GNAL: variants seen among roughly 807,000 people sequenced by gnomAD.
GNAL encodes G protein subunit alpha L, also known as guanine nucleotide-binding protein G(olf) subunit alpha.
In GNAL, 18 loss-of-function variants were observed where a neutral mutation model predicts 55.1. That is an observed-to-expected ratio of 0.33 (90% CI 0.23 to 0.48). GNAL has a LOEUF of 0.48. GNAL is among the 20% of genes least tolerant of loss of function. The probability of loss-of-function intolerance (pLI) is 0.99; values close to 1 mark genes in which losing one functional copy is unlikely to be tolerated. For synonymous variants in GNAL, 253 were observed against 237.0 expected, an observed-to-expected ratio of 1.07 and a Z score of -0.62; for missense variants, 412 against 614.1, an observed-to-expected ratio of 0.67 and a Z score of 3.48.
intron 4 of GNAL, among the ~76,000 whole-genome samples, chr18:11,801,891 A>G (rs959198116): frequency 6.6e-6 from 1 of 152,158 alleles, no homozygotes; most frequent in Non-Finnish European, 1.5e-5. Context: ...GCTGAGTTTA[A>G]GATGTGCATT....
chr18:11,866,300 A>C (rs2036261545), intron 7 of GNAL, among the ~76,000 whole-genome samples: 1 of 150,354 alleles, frequency 6.7e-6, no homozygotes, highest in African/African-American at 2.5e-5. Context: ...GTACGGATTA[A>C]ATTCTAATAG....
At chr18:11,767,352 C>G (rs2033441340) in intron 4 of GNAL, among the ~76,000 whole-genome samples, 1 of 151,936 alleles carries the variant, frequency 6.6e-6, no homozygotes, top group African/African-American at 2.4e-5. Flanking sequence ...CTTATGCTTA[C>G]AAACCTGCTC....
chr18:11,884,491 G>C lies in GNAL; in HGVS notation c.*3356G>C. On this transcript the variant is annotated 3_prime_UTR_variant, in exon 12 of 12. Transcript: ENST00000334049. ...GAGCAAGTTCAAACCAGAAAGAAAAGGTGAGGCTAGAAGCCCAAAGTGAGT... is the reference window on the plus strand; with the variant it reads ...GAGCAAGTTCAAACCAGAAAGAAAACGTGAGGCTAGAAGCCCAAAGTGAGT... The C allele has an allele frequency of 6.2e-7, 1 of 1,614,124 alleles. No homozygotes were observed. The highest frequency in any genetic ancestry group is 8.5e-7 in the Non-Finnish European group (1 of 1,180,020).
chr18:11,840,221 G>T (rs568212038), intron 5 of GNAL, among the ~76,000 whole-genome samples: 6 of 152,082 alleles, frequency 3.9e-5, no homozygotes, highest in Admixed American at 3.9e-4. Context: ...CATTCTATTC[G>T]ATATTTGTGA....
intron 4 of GNAL, among the ~76,000 whole-genome samples, chr18:11,788,670 G>A (rs781468780): frequency 6.6e-6 from 1 of 151,526 alleles, no homozygotes; most frequent in Non-Finnish European, 1.5e-5. Context: ...TCAGGAGTTC[G>A]AGACCAGCCT....
intron 8 of GNAL, among the ~76,000 whole-genome samples, chr18:11,867,636 A>G (rs1341107138): frequency 6.6e-6 from 1 of 151,440 alleles, no homozygotes; most frequent in Non-Finnish European, 1.5e-5. Context: ...AACGAGGTGA[A>G]ACCCCGTCTG....
chr18:11,833,778 T>C lies in GNAL; in HGVS notation c.722+8763T>C, dbSNP rs534294018. ...GGCGTGAAAATCAGGACCTTCAAAC[T>C]ATAAAACAAAAATCACATTTTTGAT... On this transcript the variant is annotated intron_variant, in intron 5 of 11. Coordinates refer to ENST00000334049, the MANE Select transcript of GNAL (RefSeq NM_182978.4). The C allele has an allele frequency of 2.4e-4, 37 of 152,284 alleles. 1 individual carries two copies. Among genetic ancestry groups the C allele is most frequent in the African/African-American group, 8.7e-4 (36 of 41,554 alleles). 9.4% of individuals were successfully genotyped at this position (152,284 alleles called of 1,614,324 possible). A position where few individuals can be genotyped will look rare whatever the true frequency, so the allele number is the denominator to read the frequency against.
intron 1 of GNAL, among the ~76,000 whole-genome samples, chr18:11,739,225 C>T (rs1433739121): frequency 1.3e-5 from 2 of 152,186 alleles, no homozygotes; most frequent in Non-Finnish European, 2.9e-5. Flanking sequence ...AAGAATAAGA[C>T]TTCAAAGGTT....
chr18:11,864,994 TTTC>T (rs887042224), intron 7 of GNAL, among the ~76,000 whole-genome samples: 2 of 152,102 alleles, frequency 1.3e-5, no homozygotes, highest in African/African-American at 2.4e-5. Context: ...ATGAGCTTAC[TTTC>T]TTCATTTTGC....
intron 1 of GNAL, among the ~76,000 whole-genome samples, chr18:11,750,451 C>T (rs2032790592): frequency 6.6e-6 from 1 of 151,900 alleles, no homozygotes; most frequent in African/African-American, 2.4e-5. Context: ...CCGTCAGGAA[C>T]GTGTGTGGGT....
At chr18:11,863,611 A>G (rs1180853938) in intron 6 of GNAL, among the ~76,000 whole-genome samples, 1 of 152,188 alleles carries the variant, frequency 6.6e-6, no homozygotes, top group Non-Finnish European at 1.5e-5. Context: ...TTATTACAGA[A>G]TGGCTGCTTC....
At chr18:11,702,273 C>T (rs1004352713) in intron 1 of GNAL, 3 of 152,288 alleles carry the variant, frequency 2.0e-5, no homozygotes, top group African/African-American at 7.2e-5. Flanking sequence ...GAGCAAGACT[C>T]AGAACGCAAG....
intron 7 of GNAL, among the ~76,000 whole-genome samples, chr18:11,865,587 C>CA (rs61456751): frequency 0.018 from 2,247 of 123,080 alleles, 44 homozygotes; most frequent in Middle Eastern, 0.042. Context: ...CTGTCTCTAC[C>CA]AAAAAAAAAA....
At chr18:11,798,028 C>T (rs1375906247) in intron 4 of GNAL, among the ~76,000 whole-genome samples, 3 of 152,126 alleles carry the variant, frequency 2.0e-5, no homozygotes, top group Non-Finnish European at 4.4e-5. Flanking sequence ...TTCCAGCAGA[C>T]ACTTTCTGAT....
At chr18:11,713,716 A>C (rs1263291220) in intron 1 of GNAL, among the ~76,000 whole-genome samples, 1 of 152,204 alleles carries the variant, frequency 6.6e-6, no homozygotes, top group African/African-American at 2.4e-5. Context: ...AGGAAAGAAC[A>C]GGCTGTAGAG....
chr18:11,817,960 G>A (rs2035001485), intron 4 of GNAL, among the ~76,000 whole-genome samples: 1 of 151,574 alleles, frequency 6.6e-6, no homozygotes, highest in African/African-American at 2.4e-5. Context: ...TACTGGCCAG[G>A]CACTATGCCT....
intron 4 of GNAL, among the ~76,000 whole-genome samples, chr18:11,759,315 G>T (rs559991750): frequency 6.6e-6 from 1 of 152,350 alleles, no homozygotes; most frequent in South Asian, 2.1e-4. Context: ...TTCTTAAAAT[G>T]TGGATACTTT....
intron 4 of GNAL, 135 bp downstream of exon 4, chr18:11,754,080 A>G: frequency 1.4e-6 from 1 of 699,066 alleles, no homozygotes; most frequent in Non-Finnish European, 2.5e-6. Flanking sequence ...AATGCATAAG[A>G]GGAATACTTA....
intron 1 of GNAL, among the ~76,000 whole-genome samples, chr18:11,697,596 C>T (rs539025456): frequency 6.6e-6 from 1 of 151,960 alleles, no homozygotes; most frequent in Non-Finnish European, 1.5e-5. Context: ...AGGAGGCGAC[C>T]TCATTCAGAT....
Sources: allele counts gnomAD v4.1 joint callset (sites outside exome capture counted in the v4.1 genomes callset), GRCh38; gene constraint gnomAD v4.1.1; transcripts MANE v1.5; gene names NCBI Gene and HGNC (gene_info 2026-07-23, HGNC 2026-07-21).